The following STK32B variants were observed in gnomAD, a reference collection of about 807,000 sequenced individuals.
The protein encoded by STK32B is serine/threonine-protein kinase 32B.
Under a neutral mutation model 52.6 loss-of-function variants are expected in STK32B, and 43 were observed. The ratio of observed to expected loss-of-function variants is 0.82; its 90% CI spans 0.64 to 1.05. The LOEUF (loss-of-function observed/expected upper bound fraction) is 1.05. Among genes scored for constraint, STK32B ranks in the 50% least tolerant of loss-of-function variants. The pLI, the probability that STK32B is intolerant of heterozygous loss-of-function variation, is 0.00. For missense variants in STK32B, 621 were observed against 534.6 expected (o/e 1.16, Z -1.59); for synonymous variants, 238 against 204.3 (o/e 1.17, Z -1.41).
intron 2 of STK32B, among the ~76,000 whole-genome samples, chr4:5,149,448 A>C (rs1717171404): frequency 6.6e-6 from 1 of 151,740 alleles, no homozygotes; most frequent in African/African-American, 2.4e-5. Flanking sequence ...TGAATATTTA[A>C]AACTATGTTT....
At chr4:5,412,139 G>A (rs924590100) in intron 5 of STK32B, among the ~76,000 whole-genome samples, 2 of 152,124 alleles carry the variant, frequency 1.3e-5, no homozygotes, top group African/African-American at 4.8e-5. Context: ...ACAGGCCTGG[G>A]AGCACGGTTA....
chr4:5,392,646 G>A (rs1445477592), intron 4 of STK32B, among the ~76,000 whole-genome samples: 5 of 151,962 alleles, frequency 3.3e-5, no homozygotes, highest in Non-Finnish European at 1.5e-5. Flanking sequence ...ATCACAAGGA[G>A]GAACCAGACA....
intron 3 of STK32B, among the ~76,000 whole-genome samples, chr4:5,271,423 G>A (rs1727421783): frequency 6.6e-6 from 1 of 152,072 alleles, no homozygotes. Context: ...AGTATAGTTT[G>A]AAGTCAGGTA....
chr4:5,390,964 CTT>C (rs71638602), intron 4 of STK32B, among the ~76,000 whole-genome samples: 44 of 124,012 alleles, frequency 3.5e-4, no homozygotes, highest in African/African-American at 9.3e-4. Context: ...TCTTTTCTAT[CTT>C]TTTTTTTTTT....
chr4:5,446,509 A>T (rs935929981), intron 6 of STK32B, among the ~76,000 whole-genome samples, 164 bp from the exon 7 acceptor site: 2 of 150,648 alleles, frequency 1.3e-5, no homozygotes, highest in Non-Finnish European at 3.0e-5. Flanking sequence ...AGGAGCCGAC[A>T]TTGCGCCATT....
intron 11 of STK32B, among the ~76,000 whole-genome samples, chr4:5,487,128 G>A (rs1560455543): frequency 6.6e-6 from 1 of 152,192 alleles, no homozygotes; most frequent in Non-Finnish European, 1.5e-5. Flanking sequence ...TTATCCCTCA[G>A]CACCAGAATG....
chr4:5,145,025 T>G (rs1716803318), intron 2 of STK32B, among the ~76,000 whole-genome samples: 1 of 152,196 alleles, frequency 6.6e-6, no homozygotes, highest in Admixed American at 6.5e-5. Flanking sequence ...TGTACAGGGA[T>G]GGAGTGGAGG....
At chr4:5,360,661 C>T (rs1006733148) in intron 4 of STK32B, among the ~76,000 whole-genome samples, 1 of 152,074 alleles carries the variant, frequency 6.6e-6, no homozygotes, top group Non-Finnish European at 1.5e-5. Flanking sequence ...TAAAAGTTAG[C>T]TGGGCATGGT....
intron 3 of STK32B, among the ~76,000 whole-genome samples, chr4:5,180,368 TTCCTACCCTTA>T (rs1298939687): frequency 6.6e-6 from 1 of 152,222 alleles, no homozygotes; most frequent in African/African-American, 2.4e-5. Context: ...CTATTTTCAT[TTCCTACCCTTA>T]TCCTACCATT....
At chr4:5,068,658 T>C (rs74623864) in intron 1 of STK32B, among the ~76,000 whole-genome samples, 1 of 152,204 alleles carries the variant, frequency 6.6e-6, no homozygotes, top group Non-Finnish European at 1.5e-5. Flanking sequence ...TATTATTATT[T>C]TTTTTACCAT....
chr4:5,428,580 T>G (rs916141684), intron 6 of STK32B, among the ~76,000 whole-genome samples: 12 of 152,230 alleles, frequency 7.9e-5, no homozygotes, highest in Non-Finnish European at 1.8e-4. Flanking sequence ...ATGATCTATC[T>G]TGGTTAATAT....
In STK32B at chr4:5,317,391, A is replaced by AT. The variant is rs1301905327; in HGVS notation, c.261-13828dup. 1.3e-4 allele frequency among the ~76,000 whole-genome samples: 10 copies of AT among 79,810 alleles called. 2 individuals are homozygous for AT. Among genetic ancestry groups the AT allele is most frequent in the African/African-American group, 9.0e-4 (10 of 11,156 alleles). The allele number at this position is 79,810 out of a possible 152,430, so 52.4% of individuals were successfully genotyped here. Reference sequence around the variant, plus strand: ...TATGTATTATATATATTACATATATATAATATATATAATGTATATGTATTA... The same window carrying AT: ...TATGTATTATATATATTACATATATATTAATATATATAATGTATATGTATTA... On this transcript the variant is annotated intron_variant, in intron 3 of 11. Transcript: ENST00000282908.
At chr4:5,439,885 C>G (rs7438792) in intron 6 of STK32B, among the ~76,000 whole-genome samples, 14,157 of 151,852 alleles carry the variant, frequency 0.093, 977 homozygotes, top group East Asian at 0.4. Flanking sequence ...GCTTGTTTTT[C>G]TCAGGTTTGT....
At chr4:5,310,887 C>A (rs1174620820) in intron 3 of STK32B, among the ~76,000 whole-genome samples, 1 of 152,110 alleles carries the variant, frequency 6.6e-6, no homozygotes, top group Non-Finnish European at 1.5e-5. Context: ...TCGTTCATGG[C>A]AACATGGATG....
intron 3 of STK32B, among the ~76,000 whole-genome samples, chr4:5,238,152 C>T (rs770501015): frequency 1.3e-5 from 2 of 152,162 alleles, no homozygotes; most frequent in Non-Finnish European, 2.9e-5. Flanking sequence ...CTTCAAATAA[C>T]AGAAATTATG....
chr4:5,452,936 G>A (rs1039035338), intron 7 of STK32B, among the ~76,000 whole-genome samples: 1 of 151,996 alleles, frequency 6.6e-6, no homozygotes, highest in African/African-American at 2.4e-5. Flanking sequence ...CATATCCTAA[G>A]GCCAGCGAGT....
chr4:5,482,742 T>C (rs866707118), intron 11 of STK32B, among the ~76,000 whole-genome samples: 62 of 152,112 alleles, frequency 4.1e-4, no homozygotes, highest in African/African-American at 1.3e-3. Context: ...ATAGCTCTTA[T>C]TATTTTGAGA....
At chr4:5,261,781 C>A (rs1028291372) in intron 3 of STK32B, among the ~76,000 whole-genome samples, 1 of 152,132 alleles carries the variant, frequency 6.6e-6, no homozygotes, top group African/African-American at 2.4e-5. Flanking sequence ...ATTACTATGA[C>A]TACTACTATT....
intron 4 of STK32B, among the ~76,000 whole-genome samples, chr4:5,347,201 T>C (rs1733529317): frequency 6.6e-6 from 1 of 152,210 alleles, no homozygotes; most frequent in South Asian, 2.1e-4. Context: ...TGGAAAGCTC[T>C]ACAGTTAGAA....
Sources: allele counts gnomAD v4.1 joint callset (sites outside exome capture counted in the v4.1 genomes callset), GRCh38; gene constraint gnomAD v4.1.1; transcripts MANE v1.5; gene names NCBI Gene and HGNC (gene_info 2026-07-23, HGNC 2026-07-21).